The following DNAI1 variants were observed in gnomAD, a reference collection of about 807,000 sequenced individuals.
The protein encoded by DNAI1 is dynein, axonemal, intermediate polypeptide 1.
DNAI1 carries 67 observed loss-of-function variants against 92.0 expected under a neutral mutation model. That is an observed-to-expected ratio of 0.73 (90% CI 0.60 to 0.89). The LOEUF is 0.89. DNAI1 is among the 40% of genes least tolerant of loss of function. The pLI is 0.00. For missense variants in DNAI1, 839 were observed against 866.6 expected, an observed-to-expected ratio of 0.97 and a Z score of 0.40; for synonymous variants, 323 against 319.6, an observed-to-expected ratio of 1.01 and a Z score of -0.11.
intron 10 of DNAI1, among the ~76,000 whole-genome samples, chr9:34,499,622 A>T (rs1277558280): frequency 6.6e-6 from 1 of 152,020 alleles, no homozygotes; most frequent in Non-Finnish European, 1.5e-5. Context: ...GAAGAAATTA[A>T]CTCTGCTCAA....
chr9:34,517,393 A>G lies in DNAI1; in HGVS notation c.1927A>G (p.Ile643Val), dbSNP rs1825190279. ...THVQFNLIHP[I>V]IIVGDDRGHI... is the part of the protein sequence containing the mutation. Reference sequence around the variant, plus strand: ...CGTGCAGTTCAATCTCATCCACCCCATCATCATTGTGGGCGATGACCGTGG... The same window carrying G: ...CGTGCAGTTCAATCTCATCCACCCCGTCATCATTGTGGGCGATGACCGTGG... The change falls in exon 19 of 20, where the codon ATC (isoleucine) becomes GTC (valine). Residue 643 changes from isoleucine (I) to valine (V), a missense_variant. Coordinates refer to ENST00000242317, the MANE Select transcript of DNAI1 (RefSeq NM_012144.4). 1 of 1,614,062 alleles carries G rather than the reference A, an allele frequency of 6.2e-7. No homozygotes were observed. Among genetic ancestry groups the G allele is most frequent in the Admixed American group, 1.7e-5 (1 of 60,010 alleles).
intron 18 of DNAI1, among the ~76,000 whole-genome samples, chr9:34,515,656 G>T (rs1345176579): frequency 5.3e-5 from 8 of 152,202 alleles, no homozygotes; most frequent in Admixed American, 5.2e-4. Flanking sequence ...CAAGGACAAG[G>T]AATGATGTGC....
chr9:34,463,279 A>G (rs1431831180), intron 1 of DNAI1, among the ~76,000 whole-genome samples: 1 of 152,182 alleles, frequency 6.6e-6, no homozygotes, highest in East Asian at 1.9e-4. Context: ...GGAGTGGGGA[A>G]TGTGGCAGGA....
At chr9:34,509,703 A>AG (rs1825026382) in intron 13 of DNAI1, among the ~76,000 whole-genome samples, 1 of 152,148 alleles carries the variant, frequency 6.6e-6, no homozygotes, top group African/African-American at 2.4e-5. Context: ...AGAAATGAGA[A>AG]GACAGGGTTG....
chr9:34,507,904 T>C (rs185461597), intron 13 of DNAI1, among the ~76,000 whole-genome samples: 12 of 152,292 alleles, frequency 7.9e-5, no homozygotes, highest in East Asian at 3.9e-4. Context: ...TACCTCGACA[T>C]TGGGGCTGGA....
chr9:34,503,986 C>T (rs1824878958), intron 12 of DNAI1, among the ~76,000 whole-genome samples: 2 of 152,174 alleles, frequency 1.3e-5, no homozygotes, highest in African/African-American at 4.8e-5. Flanking sequence ...GCCCATTAGC[C>T]AATTCATAGC....
chr9:34,513,082 G>T, intron 15 of DNAI1, 30 bp from the exon 16 acceptor site: 1 of 1,599,640 alleles, frequency 6.3e-7, no homozygotes, highest in East Asian at 2.2e-5. Flanking sequence ...TTGGAACTGG[G>T]CTAAGCCTGC....
chr9:34,492,530 A>ATATATATATATATATG (rs1824630260), intron 8 of DNAI1, among the ~76,000 whole-genome samples: 1 of 121,326 alleles, frequency 8.2e-6, no homozygotes, highest in African/African-American at 3.1e-5. Flanking sequence ...ATATATATAT[A>ATATATATATATATATG]TATATTTGAG....
At chr9:34,512,256 G>A in intron 14 of DNAI1, 58 bp downstream of exon 14, 3 of 1,611,024 alleles carry the variant, frequency 1.9e-6, no homozygotes, top group Non-Finnish European at 2.5e-6. Flanking sequence ...GGAGCTAAAT[G>A]GCAAAGGGCA....
chr9:34,490,446 C>A lies in DNAI1; in HGVS notation c.579C>A (p.Asn193Lys), dbSNP rs1255625413. The part of the protein sequence containing the change: ...PKERKLTNQF[N>K]FSERASQTYN... ...AGAGAAAGCTCACTAACCAGTTCAA[C>A]TTCAGTGAGAGGGCCTCACAGACCT... The change falls in exon 7 of 20, where the codon AAC becomes AAA. Residue 193 changes from asparagine (N) to lysine (K), a missense_variant. Physicochemically the swap from Asn to Lys is moderately conservative, Grantham distance 94. Coordinates refer to ENST00000242317, the MANE Select transcript of DNAI1 (RefSeq NM_012144.4). 6.2e-7 allele frequency: 1 copy of A among 1,614,096 alleles called. No homozygotes were observed. Among genetic ancestry groups the A allele is most frequent in the African/African-American group, 1.3e-5 (1 of 74,940 alleles).
chr9:34,494,925 C>T (rs1824688245), intron 9 of DNAI1, among the ~76,000 whole-genome samples: 1 of 152,204 alleles, frequency 6.6e-6, no homozygotes. Flanking sequence ...GAAAGGCAGT[C>T]ACCTTCCCCA....
chr9:34,490,201 A>G, intron 6 of DNAI1, 77 bp downstream of exon 6: 1 of 1,612,706 alleles, frequency 6.2e-7, no homozygotes. Context: ...TAACTTGGGA[A>G]AGGAGGAGGG....
chr9:34,472,788 G>C (rs1824164872), intron 1 of DNAI1, among the ~76,000 whole-genome samples: 1 of 151,944 alleles, frequency 6.6e-6, no homozygotes, highest in African/African-American at 2.4e-5. Context: ...TGTATTCCTA[G>C]CTACTTGGGA....
chr9:34,463,725 A>T (rs757482073), intron 1 of DNAI1, among the ~76,000 whole-genome samples: 58 of 152,244 alleles, frequency 3.8e-4, no homozygotes, highest in Non-Finnish European at 7.1e-4. Context: ...TAAAAGCCAA[A>T]GAAAAGACTT....
rs775621604 is a variant in DNAI1 at position 34,459,069 on chromosome 9, C to G, written c.48+16C>G. The G allele has an allele frequency of 6.2e-7, 1 of 1,613,046 alleles. No individual in the cohort carries two copies. The highest frequency in any genetic ancestry group is 1.1e-5 in the South Asian group (1 of 91,032). ...TCATAAGCAGGTAACGTACGCACAC[C>G]TTCCTTCTGATGACCTCTGACCTTC... On this transcript the variant is annotated intron_variant, in intron 1 of 19. Coordinates refer to ENST00000242317, the MANE Select transcript of DNAI1 (RefSeq NM_012144.4).
At chr9:34,514,856 A>G in intron 18 of DNAI1, 117 bp downstream of exon 18, 3 of 1,133,832 alleles carry the variant, frequency 2.6e-6, no homozygotes, top group Non-Finnish European at 3.9e-6. Flanking sequence ...AAGGCGGGAC[A>G]TAAGGACTGT....
At chr9:34,520,200 C>T (rs1265218592) in intron 19 of DNAI1, among the ~76,000 whole-genome samples, 3 of 152,252 alleles carry the variant, frequency 2.0e-5, no homozygotes, top group South Asian at 4.1e-4. Flanking sequence ...AGGTGAGGTC[C>T]GGGCCCCTGA....
At chr9:34,495,183 G>C (rs752234645) in intron 9 of DNAI1, among the ~76,000 whole-genome samples, 16 of 152,210 alleles carry the variant, frequency 1.1e-4, no homozygotes, top group Non-Finnish European at 1.9e-4. Flanking sequence ...GGGCTCACAG[G>C]CTGCAAGTTC....
At chr9:34,516,897 G>A (rs1334117723) in intron 18 of DNAI1, among the ~76,000 whole-genome samples, 6 of 151,484 alleles carry the variant, frequency 4.0e-5, no homozygotes, top group African/African-American at 1.5e-4. Context: ...GCACCACCAC[G>A]CCCATCTAAT....
Sources: gnomAD v4.1 joint callset for allele counts (sites outside exome capture counted in the v4.1 genomes callset) on GRCh38, gnomAD v4.1.1 for gene constraint, MANE v1.5 for transcripts, NCBI Gene and HGNC (gene_info 2026-07-23, HGNC 2026-07-21) for gene names.